Variants in KIAA1549L observed in about 807,000 individuals in gnomAD.
KIAA1549L encodes UPF0606 protein KIAA1549L.
Under a neutral mutation model 160.7 loss-of-function variants are expected in KIAA1549L, and 88 were observed. The observed-to-expected ratio is 0.55, with a 90% confidence interval of 0.46 to 0.65. The LOEUF (loss-of-function observed/expected upper bound fraction) is 0.65. KIAA1549L is among the 30% of genes least tolerant of loss of function. KIAA1549L has a pLI of 0.00. For missense variants in KIAA1549L, 2,258 were observed against 2,437.5 expected, an observed-to-expected ratio of 0.93 and a Z score of 1.55; for synonymous variants, 950 against 976.7, an observed-to-expected ratio of 0.97 and a Z score of 0.51.
At chr11:33,465,929 C>T (rs1414974163) in intron 1 of KIAA1549L, among the ~76,000 whole-genome samples, 1 of 152,152 alleles carries the variant, frequency 6.6e-6, no homozygotes, top group Admixed American at 6.5e-5. Flanking sequence ...AGGACATAGG[C>T]ATGGACAAGG....
chr11:33,614,561 T>C (rs1425267119), intron 15 of KIAA1549L, among the ~76,000 whole-genome samples: 8 of 16,670 alleles, frequency 4.8e-4, no homozygotes, highest in Non-Finnish European at 7.7e-4. Flanking sequence ...TATATATATA[T>C]ATATATATAT....
At chr11:33,400,366 G>A (rs149689503) in intron 1 of KIAA1549L, among the ~76,000 whole-genome samples, 157 of 152,280 alleles carry the variant, frequency 1.0e-3, no homozygotes, top group Non-Finnish European at 2.0e-3. Context: ...AATGAACTGG[G>A]CTATCAAATT....
At chr11:33,439,537 G>C (rs1590245467) in intron 1 of KIAA1549L, among the ~76,000 whole-genome samples, 1 of 151,182 alleles carries the variant, frequency 6.6e-6, no homozygotes, top group East Asian at 1.9e-4. Context: ...GGAGTAGCTG[G>C]GACTACAGGC....
intron 1 of KIAA1549L, among the ~76,000 whole-genome samples, chr11:33,488,607 TG>T: frequency 6.6e-6 from 1 of 152,294 alleles, no homozygotes; most frequent in East Asian, 1.9e-4. Flanking sequence ...CCCAATTTTG[TG>T]GGTATGGAAA....
chr11:33,667,311 A>G (rs1411037095), intron 20 of KIAA1549L, among the ~76,000 whole-genome samples: 11 of 144,616 alleles, frequency 7.6e-5, no homozygotes, highest in Non-Finnish European at 1.1e-4. Flanking sequence ...TTTCAGCAAA[A>G]TATATATTCC....
intron 1 of KIAA1549L, among the ~76,000 whole-genome samples, chr11:33,451,581 T>G (rs1354080074): frequency 6.6e-6 from 1 of 152,218 alleles, no homozygotes; most frequent in Admixed American, 6.5e-5. Context: ...CACTCTGAGT[T>G]AATTTGTTTG....
chr11:33,486,206 G>A (rs973682219), intron 1 of KIAA1549L, among the ~76,000 whole-genome samples: 4 of 152,076 alleles, frequency 2.6e-5, no homozygotes, highest in South Asian at 2.1e-4. Flanking sequence ...AAATATTGGC[G>A]AGGCTGTGGA....
intron 1 of KIAA1549L, among the ~76,000 whole-genome samples, chr11:33,400,938 G>A (rs1850486040): frequency 6.6e-6 from 1 of 152,132 alleles, no homozygotes; most frequent in Admixed American, 6.5e-5. Context: ...ATAGCATAAT[G>A]TTGGATCTGT....
intron 6 of KIAA1549L, among the ~76,000 whole-genome samples, chr11:33,552,893 A>G (rs528443427): frequency 6.6e-6 from 1 of 152,310 alleles, no homozygotes; most frequent in Non-Finnish European, 1.5e-5. Flanking sequence ...ACCTGAGTCA[A>G]TCCACTACAC....
intron 8 of KIAA1549L, among the ~76,000 whole-genome samples, chr11:33,562,617 A>G (rs1486214702): frequency 6.6e-6 from 1 of 151,318 alleles, no homozygotes; most frequent in African/African-American, 2.4e-5. Context: ...CTCTTCTTAT[A>G]AGGACACCAT....
intron 1 of KIAA1549L, among the ~76,000 whole-genome samples, chr11:33,409,784 T>C (rs199609311): frequency 1.7e-5 from 2 of 119,450 alleles, no homozygotes; most frequent in Non-Finnish European, 3.6e-5. Context: ...TTTTTTTTTT[T>C]CCTGCCTGTA....
At chr11:33,548,026 G>A in intron 4 of KIAA1549L, 147 bp downstream of exon 4, 1 of 616,176 alleles carries the variant, frequency 1.6e-6, no homozygotes, top group African/African-American at 1.9e-5. Flanking sequence ...ACTAGCTAAT[G>A]TGTAGTGGCT....
chr11:33,640,503 C>G (rs1014424501), intron 16 of KIAA1549L, among the ~76,000 whole-genome samples: 6 of 152,228 alleles, frequency 3.9e-5, no homozygotes, highest in African/African-American at 1.4e-4. Context: ...AAAGCGTGGG[C>G]TCTCCTTGGA....
intron 18 of KIAA1549L, among the ~76,000 whole-genome samples, chr11:33,656,836 T>C (rs1191435554): frequency 3.9e-5 from 6 of 152,072 alleles, no homozygotes; most frequent in Admixed American, 2.0e-4. Flanking sequence ...CCCGCTCTCA[T>C]TGCCAGTGGT....
chr11:33,430,041 T>TCCTTCCTC (rs1200093248), intron 1 of KIAA1549L, among the ~76,000 whole-genome samples: 30 of 140,492 alleles, frequency 2.1e-4, no homozygotes, highest in African/African-American at 7.2e-4. Flanking sequence ...CTTCCTTCCT[T>TCCTTCCTC]CCTTCCTCCC....
chr11:33,454,163 T>C (rs1257272359), intron 1 of KIAA1549L, among the ~76,000 whole-genome samples: 1 of 152,198 alleles, frequency 6.6e-6, no homozygotes. Flanking sequence ...CGGAGGAGAC[T>C]CTGAGCTGAT....
intron 1 of KIAA1549L, among the ~76,000 whole-genome samples, chr11:33,523,060 G>C (rs1853533208): frequency 6.6e-6 from 1 of 152,178 alleles, no homozygotes; most frequent in South Asian, 2.1e-4. Context: ...AGAATAATTT[G>C]TCAGCCATGG....
intron 1 of KIAA1549L, among the ~76,000 whole-genome samples, chr11:33,499,059 T>C (rs1300386028): frequency 6.6e-6 from 1 of 152,068 alleles, no homozygotes; most frequent in South Asian, 2.1e-4. Flanking sequence ...TTTTTTTTTC[T>C]GAACCATTGC....
chr11:33,430,463 C>T (rs1182937781), intron 1 of KIAA1549L, among the ~76,000 whole-genome samples: 1 of 152,164 alleles, frequency 6.6e-6, no homozygotes, highest in Non-Finnish European at 1.5e-5. Context: ...TGAACTTGCC[C>T]TGAGGCTATC....
Sources: allele counts gnomAD v4.1 joint callset (sites outside exome capture counted in the v4.1 genomes callset), GRCh38; gene constraint gnomAD v4.1.1; transcripts MANE v1.5; gene names NCBI Gene and HGNC (gene_info 2026-07-23, HGNC 2026-07-21).